The following RAB3C variants were observed in gnomAD, a reference collection of about 807,000 sequenced individuals.
RAB3C encodes RAB3C, member RAS oncogene family.
RAB3C carries 17 observed loss-of-function variants against 26.4 expected under a neutral mutation model. The ratio of observed to expected loss-of-function variants is 0.64; its 90% CI spans 0.44 to 0.97. The LOEUF (loss-of-function observed/expected upper bound fraction) is 0.97. Among genes scored for constraint, RAB3C ranks in the 50% least tolerant of loss-of-function variants. The probability of loss-of-function intolerance (pLI) is 0.00; values close to 1 mark genes in which losing one functional copy is unlikely to be tolerated. For synonymous variants in RAB3C, 91 were observed against 95.9 expected (o/e 0.95, Z 0.30); for missense variants, 242 against 281.9 (o/e 0.86, Z 1.01).
intron 1 of RAB3C, among the ~76,000 whole-genome samples, chr5:58,608,098 T>C (rs1579813941): frequency 6.6e-6 from 1 of 152,204 alleles, no homozygotes; most frequent in East Asian, 1.9e-4. Context: ...ACCTTAAATG[T>C]AAATGGGCTA....
intron 3 of RAB3C, among the ~76,000 whole-genome samples, chr5:58,800,028 T>A (rs1319840706): frequency 6.6e-6 from 1 of 152,264 alleles, no homozygotes; most frequent in African/African-American, 2.4e-5. Flanking sequence ...ATTAATCATA[T>A]AACCTTACAG....
intron 2 of RAB3C, among the ~76,000 whole-genome samples, chr5:58,635,343 G>A (rs1747267150): frequency 1.3e-5 from 2 of 152,200 alleles, no homozygotes; most frequent in South Asian, 2.1e-4. Flanking sequence ...TTCTTAATGG[G>A]AACTTTCCAA....
chr5:58,625,490 C>A (rs954725450), intron 2 of RAB3C, among the ~76,000 whole-genome samples: 3 of 152,180 alleles, frequency 2.0e-5, no homozygotes, highest in African/African-American at 7.2e-5. Context: ...TAATCTCTTT[C>A]ATGATCCTCT....
chr5:58,697,895 T>C (rs1252209225), intron 2 of RAB3C, among the ~76,000 whole-genome samples: 1 of 152,238 alleles, frequency 6.6e-6, no homozygotes, highest in Non-Finnish European at 1.5e-5. Flanking sequence ...CTATGTCTTT[T>C]AATTGGGGCA....
intron 3 of RAB3C, among the ~76,000 whole-genome samples, chr5:58,770,382 C>T (rs950396478): frequency 2.0e-5 from 3 of 152,138 alleles, no homozygotes; most frequent in African/African-American, 7.2e-5. Context: ...GTTTTTCAGG[C>T]TTGATGCAAG....
intron 4 of RAB3C, among the ~76,000 whole-genome samples, chr5:58,829,832 T>C (rs1362313887): frequency 1.3e-5 from 2 of 152,194 alleles, no homozygotes; most frequent in Non-Finnish European, 2.9e-5. Flanking sequence ...AATATTCTTA[T>C]ATTTTGCCAT....
chr5:58,754,376 TGTTTCTA>T (rs1268914170), intron 3 of RAB3C, among the ~76,000 whole-genome samples: 1 of 152,190 alleles, frequency 6.6e-6, no homozygotes, highest in East Asian at 1.9e-4. Flanking sequence ...GTCTTGTTTT[TGTTTCTA>T]GTTCAGCCTT....
rs1744218334 is a variant in RAB3C at position 58,854,610 on chromosome 5, C to G, written c.*3259C>G. The G allele has an allele frequency of 6.6e-6, 1 of 152,280 alleles. No homozygotes were observed. The highest frequency in any genetic ancestry group is 1.9e-4 in the East Asian group (1 of 5,184). 9.4% of individuals were successfully genotyped at this position (152,280 alleles called of 1,614,324 possible). Reference sequence around the variant, plus strand: ...GCCCCCAGTGAACAGCTCCAACTGCCTTGATGAACTTCTAATGACTGTGAA... The same window carrying G: ...GCCCCCAGTGAACAGCTCCAACTGCGTTGATGAACTTCTAATGACTGTGAA... On this transcript the variant is annotated 3_prime_UTR_variant, in exon 5 of 5. Coordinates refer to ENST00000282878, the MANE Select transcript of RAB3C (RefSeq NM_138453.4).
intron 3 of RAB3C, among the ~76,000 whole-genome samples, chr5:58,755,889 G>A (rs1741645036): frequency 6.6e-6 from 1 of 152,074 alleles, no homozygotes; most frequent in Non-Finnish European, 1.5e-5. Flanking sequence ...AAATTTCCAT[G>A]CAAATTAACA....
At chr5:58,756,344 ATGT>A (rs1411508831) in intron 3 of RAB3C, among the ~76,000 whole-genome samples, 3 of 137,820 alleles carry the variant, frequency 2.2e-5, no homozygotes, top group South Asian at 2.2e-4. Flanking sequence ...TAACATATAT[ATGT>A]TATATATATA....
At chr5:58,674,102 G>A (rs191262813) in intron 2 of RAB3C, among the ~76,000 whole-genome samples, 15 of 152,182 alleles carry the variant, frequency 9.9e-5, no homozygotes, top group Non-Finnish European at 4.4e-5. Context: ...AATAAAATCC[G>A]ACTCATAAAT....
At chr5:58,718,513 G>A (rs1749221068) in intron 2 of RAB3C, among the ~76,000 whole-genome samples, 1 of 151,954 alleles carries the variant, frequency 6.6e-6, no homozygotes, top group Non-Finnish European at 1.5e-5. Context: ...TGAAATAATA[G>A]GTCAGGTTTT....
chr5:58,825,243 C>A, intron 4 of RAB3C, 81 bp downstream of exon 4: 1 of 1,346,998 alleles, frequency 7.4e-7, no homozygotes, highest in Non-Finnish European at 9.8e-7. Flanking sequence ...AGCTAATTGT[C>A]AGGGTGGAGT....
intron 1 of RAB3C, among the ~76,000 whole-genome samples, chr5:58,605,778 G>T (rs548258968): frequency 6.6e-6 from 1 of 152,098 alleles, no homozygotes; most frequent in Non-Finnish European, 1.5e-5. Context: ...GGCACCAAGC[G>T]CTTGTAATCC....
At chr5:58,621,221 C>T (rs1423557945) in intron 2 of RAB3C, among the ~76,000 whole-genome samples, 1 of 152,146 alleles carries the variant, frequency 6.6e-6, no homozygotes, top group African/African-American at 2.4e-5. Context: ...TGAAAGCCAT[C>T]GTGGGTTGAA....
intron 3 of RAB3C, among the ~76,000 whole-genome samples, chr5:58,741,248 C>A (rs1741268754): frequency 6.6e-6 from 1 of 152,158 alleles, no homozygotes; most frequent in Admixed American, 6.5e-5. Context: ...AGGGAAGTTT[C>A]CCCAAGCTCT....
intron 2 of RAB3C, among the ~76,000 whole-genome samples, chr5:58,630,084 T>A (rs1180139591): frequency 6.6e-6 from 1 of 152,220 alleles, no homozygotes; most frequent in Non-Finnish European, 1.5e-5. Flanking sequence ...CCAACTTTAA[T>A]AAGAGCAGCA....
At chr5:58,791,387 G>A (rs139228105) in intron 3 of RAB3C, among the ~76,000 whole-genome samples, 61 of 152,264 alleles carry the variant, frequency 4.0e-4, no homozygotes, top group African/African-American at 1.4e-3. Context: ...TGTGGGCTCC[G>A]TTACAACATG....
chr5:58,605,981 C>T (rs73098335), intron 1 of RAB3C, among the ~76,000 whole-genome samples: 18,690 of 152,118 alleles, frequency 0.12, 1,568 homozygotes, highest in African/African-American at 0.23. Flanking sequence ...CCAGCATGTT[C>T]GACACTGAAG....
Sources: allele counts gnomAD v4.1 joint callset (sites outside exome capture counted in the v4.1 genomes callset), GRCh38; gene constraint gnomAD v4.1.1; transcripts MANE v1.5; gene names NCBI Gene and HGNC (gene_info 2026-07-23, HGNC 2026-07-21).